ARHGAP23: variants seen among roughly 807,000 people sequenced by gnomAD.
ARHGAP23 encodes Rho GTPase activating protein 23, also known as rho GTPase-activating protein 23.
Under a neutral mutation model 136.3 loss-of-function variants are expected in ARHGAP23, and 34 were observed. That is an observed-to-expected ratio of 0.25 (90% CI 0.19 to 0.33). The LOEUF is 0.33. ARHGAP23 is among the 10% of genes least tolerant of loss of function. The probability of loss-of-function intolerance (pLI) is 1.00; values close to 1 mark genes in which losing one functional copy is unlikely to be tolerated. For missense variants in ARHGAP23, 1,808 were observed against 2,139.0 expected, an observed-to-expected ratio of 0.85 and a Z score of 3.05; for synonymous variants, 832 against 920.5, an observed-to-expected ratio of 0.90 and a Z score of 1.74.
chr17:38,486,556 T>A (rs775568838), intron 17 of ARHGAP23, among the ~76,000 whole-genome samples: 3,309 of 141,806 alleles, frequency 0.023, 47 homozygotes, highest in Non-Finnish European at 0.037. Context: ...TTTTTTTTTT[T>A]AACACAAAAG....
At chr17:38,466,047 C>T (rs1351395891) in intron 6 of ARHGAP23, 120 bp from the exon 7 acceptor site, 5 of 756,722 alleles carry the variant, frequency 6.6e-6, no homozygotes, top group African/African-American at 1.9e-5. Flanking sequence ...CTCGTTCCCC[C>T]CACCGCTTGG....
At chr17:38,445,614 T>C (rs1181710055) in intron 1 of ARHGAP23, among the ~76,000 whole-genome samples, 3 of 151,674 alleles carry the variant, frequency 2.0e-5, no homozygotes, top group Non-Finnish European at 2.9e-5. Context: ...GTAAGTGGAA[T>C]AATATAATAT....
rs376431472 is a variant in ARHGAP23, at chr17:38,477,694, C to T, written c.2234C>T (p.Ala745Val). The T allele has an allele frequency of 2.0e-5, 28 of 1,395,528 alleles. No individual in the cohort carries two copies. Among genetic ancestry groups the T allele is most frequent in the Middle Eastern group, 2.4e-4 (1 of 4,136 alleles). 86.4% of individuals were successfully genotyped at this position (1,395,528 alleles called of 1,614,324 possible). ...EPGPAAAGAAAAGAGEDEAAP... is the reference protein window; with the variant it reads ...EPGPAAAGAAVAGAGEDEAAP... Reference sequence around the variant, plus strand: ...GGGCCGGCGGCGGCGGGGGCTGCGGCGGCCGGCGCAGGTGAGGACGAGGCG... The same window carrying T: ...GGGCCGGCGGCGGCGGGGGCTGCGGTGGCCGGCGCAGGTGAGGACGAGGCG... Residue 745 changes from alanine to valine, a missense_variant, in exon 12 of 24, where the codon GCG becomes GTG. Coordinates refer to ENST00000622683, the MANE Select transcript of ARHGAP23 (RefSeq NM_001199417.2). The surrounding 1 kb of genome is among the most constrained non-coding windows in gnomAD (Gnocchi z 6.6).
intron 17 of ARHGAP23, among the ~76,000 whole-genome samples, chr17:38,487,363 A>G (rs911277812): frequency 1.3e-5 from 2 of 152,184 alleles, no homozygotes; most frequent in South Asian, 2.1e-4. Flanking sequence ...ACCTGTTGCA[A>G]TGGCTTTCCT....
At chr17:38,507,276 A>AAAT (rs56830471) in intron 23 of ARHGAP23, among the ~76,000 whole-genome samples, 1,842 of 136,658 alleles carry the variant, frequency 0.013, 17 homozygotes, top group African/African-American at 0.021. Flanking sequence ...CTCCGTCTCA[A>AAAT]AATAATAATA....
intron 22 of ARHGAP23, among the ~76,000 whole-genome samples, chr17:38,499,918 C>G (rs2040484918): frequency 6.6e-6 from 1 of 152,046 alleles, no homozygotes; most frequent in South Asian, 2.1e-4. Context: ...GAGTGGGACC[C>G]AAGTCCCATA....
chr17:38,504,978 C>CTTTTTTTTTTTTTTTTTTTTTTT lies in ARHGAP23; in HGVS notation c.3447+4373_3447+4395dup, dbSNP rs71138627. On this transcript the variant is annotated intron_variant, in intron 23 of 23. Transcript: ENST00000622683. ...ATTACTCAGAAGCCTCCCTTATCAT[C>CTTTTTTTTTTTTTTTTTTTTTTT]TTTTTTTTTTTTTTTTTTTTTTTTT... is the stretch of plus-strand genomic sequence containing the variant. Among the ~76,000 whole-genome samples the CTTTTTTTTTTTTTTTTTTTTTTT allele has an allele frequency of 6.9e-5, 3 of 43,168 alleles. 1 individual carries two copies. Among genetic ancestry groups the CTTTTTTTTTTTTTTTTTTTTTTT allele is most frequent in the Non-Finnish European group, 1.5e-4 (3 of 20,290 alleles). The allele number at this position is 43,168 out of a possible 152,430, so 28.3% of individuals were successfully genotyped here.
At chr17:38,474,682 CCGACG>C (rs2039848033) in intron 11 of ARHGAP23, among the ~76,000 whole-genome samples, 1 of 152,144 alleles carries the variant, frequency 6.6e-6, no homozygotes, top group Non-Finnish European at 1.5e-5. Context: ...TCTGTCAGCA[CCGACG>C]AGTTACCTGT....
intron 23 of ARHGAP23, chr17:38,500,901 G>A (rs2040504437): frequency 4.0e-6 from 2 of 495,704 alleles, no homozygotes; most frequent in African/African-American, 3.9e-5. Flanking sequence ...CACAGACTCT[G>A]CAGTCAGACA....
chr17:38,492,293 A>G (rs2040296884), intron 20 of ARHGAP23, among the ~76,000 whole-genome samples: 1 of 152,222 alleles, frequency 6.6e-6, no homozygotes, highest in South Asian at 2.1e-4. Context: ...TCCATTTCCA[A>G]TTCTTGTTAC....
chr17:38,476,703 C>T (rs149597255), intron 11 of ARHGAP23, among the ~76,000 whole-genome samples: 2 of 152,164 alleles, frequency 1.3e-5, no homozygotes, highest in Admixed American at 6.5e-5. Flanking sequence ...TCTGGAGCTC[C>T]GCCTCCTTTA....
intron 23 of ARHGAP23, among the ~76,000 whole-genome samples, chr17:38,503,677 C>T (rs2040568834): frequency 6.6e-6 from 1 of 152,242 alleles, no homozygotes; most frequent in African/African-American, 2.4e-5. Context: ...ATTCCTTCCT[C>T]CTGAGACGCT....
In ARHGAP23 at chr17:38,510,542, C is replaced by G. The variant is rs887652105; in HGVS notation, c.4046C>G (p.Ser1349Cys). Residue 1349 changes from serine to cysteine, a missense_variant, in exon 24 of 24, where the codon TCC (serine) becomes TGC (cysteine). Physicochemically the swap from Ser to Cys is moderately radical, Grantham distance 112 (BLOSUM62 -1). Transcript: ENST00000622683. The surrounding 1 kb of genome is among the most constrained non-coding windows in gnomAD (Gnocchi z 4.6). ...CCGGAGCCGCCCGGCTCGGCGTCGT[C>G]CAGCAGCCAGGAGTCGCTGCGGCCC... ...RAPEPPGSAS[S>C]SSQESLRPPA... 8.4e-7 allele frequency: 1 copy of G among 1,192,680 alleles called. No homozygotes were observed. Among genetic ancestry groups the G allele is most frequent in the Non-Finnish European group, 1.0e-6 (1 of 965,150 alleles). The allele number at this position is 1,192,680 out of a possible 1,614,324, so 73.9% of individuals were successfully genotyped here.
At chr17:38,435,249 G>T (rs2038769364) in intron 1 of ARHGAP23, among the ~76,000 whole-genome samples, 1 of 152,016 alleles carries the variant, frequency 6.6e-6, no homozygotes, top group Non-Finnish European at 1.5e-5. Flanking sequence ...TCAGCTACTC[G>T]GGAGGCTGAG....
chr17:38,459,264 ACATG>A, intron 2 of ARHGAP23, among the ~76,000 whole-genome samples: 1 of 152,146 alleles, frequency 6.6e-6, no homozygotes, highest in East Asian at 1.9e-4. Context: ...TCGTGTGCTC[ACATG>A]TCTCTCTGTG....
chr17:38,508,303 G>A (rs2040678879), intron 23 of ARHGAP23, among the ~76,000 whole-genome samples: 1 of 152,188 alleles, frequency 6.6e-6, no homozygotes, highest in Non-Finnish European at 1.5e-5. Flanking sequence ...AGCAAATAGG[G>A]CAGGGGGACA....
At chr17:38,434,590 C>T (rs1049576766) in intron 1 of ARHGAP23, among the ~76,000 whole-genome samples, 1 of 152,126 alleles carries the variant, frequency 6.6e-6, no homozygotes, top group Non-Finnish European at 1.5e-5. Flanking sequence ...GTGTGTGGGC[C>T]GGAGGAATGT....
chr17:38,510,706 C>G lies in ARHGAP23; in HGVS notation c.4210C>G (p.Arg1404Gly). The stretch of plus-strand genomic sequence containing the variant: ...GACCCGGCGGCGCCGGAGCAGCTGG[C>G]GCCGCCACACCGTGGTGGTGCAGAG... Reference protein sequence around the residue: ...PETRRRRSSWRRHTVVVQSPL... With the variant: ...PETRRRRSSWGRHTVVVQSPL... The change falls in exon 24 of 24, where the codon CGC becomes GGC. Residue 1404 changes from arginine (R) to glycine (G), a missense_variant. Physicochemically the swap from Arg to Gly is moderately radical, Grantham distance 125 (BLOSUM62 -2). This residue lies in a region of ARHGAP23 where 506 missense variants were observed against 455.8 expected (regional missense o/e 1.11). Transcript: ENST00000622683. The surrounding 1 kb of genome is among the most constrained non-coding windows in gnomAD (Gnocchi z 4.6). 1 of 1,436,210 alleles carries G rather than the reference C, an allele frequency of 7.0e-7. No homozygotes were observed. Among genetic ancestry groups the G allele is most frequent in the Non-Finnish European group, 9.1e-7 (1 of 1,101,894 alleles). The allele number at this position is 1,436,210 out of a possible 1,614,324, so 89.0% of individuals were successfully genotyped here.
intron 1 of ARHGAP23, among the ~76,000 whole-genome samples, chr17:38,453,422 C>CGTGCGTGT (rs1207926903): frequency 2.6e-5 from 3 of 116,588 alleles, no homozygotes; most frequent in African/African-American, 1.1e-4. Context: ...CGTATGCGTG[C>CGTGCGTGT]GTGTGTGTGT....
Sources: gnomAD v4.1 joint callset for allele counts (sites outside exome capture counted in the v4.1 genomes callset) on GRCh38, gnomAD v4.1.1 for gene constraint, gnomAD v4.1.1 regional missense constraint, Gnocchi (gnomAD v3.1) non-coding constraint, MANE v1.5 for transcripts, NCBI Gene and HGNC (gene_info 2026-07-23, HGNC 2026-07-21) for gene names.